The following PRKG1 variants were observed in gnomAD, a reference collection of about 807,000 sequenced individuals.
PRKG1 encodes cGMP-dependent protein kinase 1.
A neutral mutation model predicts 88.1 loss-of-function variants in PRKG1; 35 were observed. That is an observed-to-expected ratio of 0.40 (90% confidence interval 0.30 to 0.53). The LOEUF is 0.53. PRKG1 is among the 20% of genes least tolerant of loss of function. The pLI is 0.59. For synonymous variants in PRKG1, 303 were observed against 292.5 expected (o/e 1.04, Z -0.37); for missense variants, 540 against 839.8 (o/e 0.64, Z 4.41).
At chr10:51,513,982 GA>G (rs1841498289) in intron 3 of PRKG1, among the ~76,000 whole-genome samples, 2 of 142,092 alleles carry the variant, frequency 1.4e-5, no homozygotes, top group African/African-American at 2.7e-5. Flanking sequence ...CAGAAGGCAA[GA>G]AAGAACCAAG....
intron 3 of PRKG1, among the ~76,000 whole-genome samples, chr10:51,778,763 T>C (rs896386433): frequency 6.6e-6 from 1 of 152,134 alleles, no homozygotes; most frequent in Non-Finnish European, 1.5e-5. Context: ...TTTTTCCTTC[T>C]TCTGAGAGAT....
intron 2 of PRKG1, among the ~76,000 whole-genome samples, chr10:51,415,838 T>C (rs766093699): frequency 2.1e-4 from 32 of 152,130 alleles, no homozygotes; most frequent in Non-Finnish European, 3.7e-4. Flanking sequence ...TTTAATATTT[T>C]CCTTAGTAGG....
Position 51,727,746 on chromosome 10 carries a change from G to A in PRKG1, c.593-76839G>A, listed in dbSNP as rs116870980. On this transcript the variant is annotated intron_variant, in intron 3 of 17. Coordinates refer to ENST00000373980, the MANE Select transcript of PRKG1 (RefSeq NM_006258.4). Reference sequence around the variant, plus strand: ...GTCTAGCAGAGGAATTGGATGAGGGGTAAATGACTGTTTAAACCTATATTA... The same window carrying A: ...GTCTAGCAGAGGAATTGGATGAGGGATAAATGACTGTTTAAACCTATATTA... Among the ~76,000 whole-genome samples the A allele has an allele frequency of 5.9e-5, 9 of 152,178 alleles. No homozygotes were observed. In the East Asian group the frequency reaches 1.5e-3, roughly 26 times the overall value.
intron 9 of PRKG1, among the ~76,000 whole-genome samples, chr10:52,199,318 A>T (rs1264281629): frequency 6.6e-6 from 1 of 152,054 alleles, no homozygotes; most frequent in Non-Finnish European, 1.5e-5. Flanking sequence ...TCTTGGAGAG[A>T]AAAAGAAAAC....
At chr10:51,738,999 C>T (rs201701668) in intron 3 of PRKG1, among the ~76,000 whole-genome samples, 1 of 152,262 alleles carries the variant, frequency 6.6e-6, no homozygotes, top group East Asian at 1.9e-4. Flanking sequence ...TAGGGCTCTA[C>T]ATTTAGAAGG....
At chr10:51,052,705 T>C (rs866200814) in intron 1 of PRKG1, among the ~76,000 whole-genome samples, 11 of 152,210 alleles carry the variant, frequency 7.2e-5, no homozygotes, top group African/African-American at 2.2e-4. Flanking sequence ...AGTTTTATCA[T>C]TGAATGCTTC....
In PRKG1 at chr10:51,793,092, C is replaced by G. The variant is rs1422665052; in HGVS notation, c.593-11493C>G. ...AACAAATGGAGATGTAAGAACTGCC[C>G]AACAAATAATTCAAAATCTCTATTT... On this transcript the variant is annotated intron_variant, in intron 3 of 17. Coordinates refer to ENST00000373980, the MANE Select transcript of PRKG1 (RefSeq NM_006258.4). Among the ~76,000 whole-genome samples, 3 of 82,596 alleles carry G rather than the reference C, an allele frequency of 3.6e-5. No individual in the cohort carries two copies. In the East Asian group the frequency reaches 1.0e-3, roughly 28 times the overall value. The allele number at this position is 82,596 out of a possible 152,430, so 54.2% of individuals were successfully genotyped here. A position where few individuals can be genotyped will look rare whatever the true frequency, so the allele number is the denominator to read the frequency against.
intron 3 of PRKG1, among the ~76,000 whole-genome samples, chr10:51,777,982 T>C (rs186484928): frequency 1.9e-4 from 29 of 152,332 alleles, no homozygotes; most frequent in African/African-American, 6.5e-4. Context: ...ATTGTTTGGT[T>C]GTACCATAGT....
At chr10:52,143,605 G>A (rs866669087) in intron 8 of PRKG1, among the ~76,000 whole-genome samples, 20 of 152,108 alleles carry the variant, frequency 1.3e-4, no homozygotes, top group African/African-American at 4.6e-4. Flanking sequence ...TAAAGGGAGA[G>A]CTTTAAAACC....
chr10:51,807,858 A>T (rs993118758), intron 4 of PRKG1, among the ~76,000 whole-genome samples: 3 of 152,166 alleles, frequency 2.0e-5, no homozygotes, highest in Non-Finnish European at 4.4e-5. Context: ...AAGGAATTCT[A>T]GTTTCTATGG....
At chr10:51,514,030 A>G (rs927992661) in intron 3 of PRKG1, among the ~76,000 whole-genome samples, 1 of 133,946 alleles carries the variant, frequency 7.5e-6, no homozygotes, top group Non-Finnish European at 1.6e-5. Context: ...GACACAAAAA[A>G]CCCTTCAAAA....
intron 9 of PRKG1, among the ~76,000 whole-genome samples, chr10:52,198,542 A>G (rs1411662961): frequency 1.3e-5 from 2 of 152,238 alleles, no homozygotes; most frequent in African/African-American, 4.8e-5. Flanking sequence ...TAATGACATT[A>G]TATTAGTTTT....
chr10:51,284,512 G>A (rs1294029481), intron 2 of PRKG1, among the ~76,000 whole-genome samples: 4 of 152,150 alleles, frequency 2.6e-5, no homozygotes, highest in African/African-American at 9.7e-5. Flanking sequence ...TGTATTTCAA[G>A]AAAATTCTTT....
At chr10:52,272,265 G>T in intron 11 of PRKG1, 127 bp from the exon 12 acceptor site, 1 of 613,422 alleles carries the variant, frequency 1.6e-6, no homozygotes, top group Non-Finnish European at 2.8e-6. Context: ...TGTGGGCTTA[G>T]ATCTCTCTCA....
At chr10:51,415,784 C>T (rs1220254487) in intron 2 of PRKG1, among the ~76,000 whole-genome samples, 1 of 152,096 alleles carries the variant, frequency 6.6e-6, no homozygotes, top group East Asian at 1.9e-4. Context: ...TTTATTAGTC[C>T]CAATTGCATT....
chr10:52,161,300 G>A (rs1838269825), intron 8 of PRKG1, among the ~76,000 whole-genome samples: 1 of 151,960 alleles, frequency 6.6e-6, no homozygotes. Context: ...ATATGCTAAA[G>A]TTGATTTTTC....
At chr10:51,112,020 ATTGTT>A in intron 1 of PRKG1, among the ~76,000 whole-genome samples, 1 of 152,166 alleles carries the variant, frequency 6.6e-6, no homozygotes, top group East Asian at 1.9e-4. Context: ...TGCTGAAAGC[ATTGTT>A]TTATGGATGG....
chr10:51,079,777 C>T (rs1844059488), intron 1 of PRKG1, among the ~76,000 whole-genome samples: 1 of 152,206 alleles, frequency 6.6e-6, no homozygotes, highest in East Asian at 1.9e-4. Flanking sequence ...CTTTCTTACC[C>T]CCACCATCAC....
chr10:52,182,634 G>C (rs1163041649), intron 9 of PRKG1, among the ~76,000 whole-genome samples: 4 of 143,928 alleles, frequency 2.8e-5, no homozygotes, highest in African/African-American at 1.1e-4. Flanking sequence ...AAGGGATCCA[G>C]TTTCAGCTTT....
Sources: gnomAD v4.1 joint callset for allele counts (sites outside exome capture counted in the v4.1 genomes callset) on GRCh38, gnomAD v4.1.1 for gene constraint, MANE v1.5 for transcripts, NCBI Gene and HGNC (gene_info 2026-07-23, HGNC 2026-07-21) for gene names.